ROBO1: variants seen among roughly 807,000 people sequenced by gnomAD.
The protein encoded by ROBO1 is roundabout homolog 1.
ROBO1 carries 149 observed loss-of-function variants against 195.9 expected under a neutral mutation model. The observed-to-expected ratio is 0.76, with a 90% CI of 0.67 to 0.87. The LOEUF (loss-of-function observed/expected upper bound fraction) is 0.87, where lower values mean the gene tolerates loss of function less well. Ranked by LOEUF, ROBO1 falls within the 40% of genes least tolerant of loss-of-function variation. The pLI, the probability that ROBO1 is intolerant of heterozygous loss-of-function variation, is 0.00. For missense variants in ROBO1, 1,933 were observed against 2,068.3 expected, an observed-to-expected ratio of 0.93 and a Z score of 1.27; for synonymous variants, 816 against 733.2, an observed-to-expected ratio of 1.11 and a Z score of -1.82.
chr3:79,154,882 GCAAT>G (rs2108647392), intron 2 of ROBO1, among the ~76,000 whole-genome samples: 1 of 151,886 alleles, frequency 6.6e-6, no homozygotes, highest in Admixed American at 6.6e-5. Context: ...ATTGATATTT[GCAAT>G]CAGTTTATTT....
intron 4 of ROBO1, among the ~76,000 whole-genome samples, chr3:78,873,538 C>T (rs1220621104): frequency 6.6e-6 from 1 of 151,952 alleles, no homozygotes; most frequent in East Asian, 1.9e-4. Context: ...CCTCTTCTTA[C>T]CTATGAGTAA....
In ROBO1 at chr3:79,636,935, T is replaced by C. The variant is rs544416655; in HGVS notation, c.-50-46974A>G. On this transcript the variant is annotated intron_variant, in intron 1 of 30. Coordinates refer to ENST00000464233, the MANE Select transcript of ROBO1 (RefSeq NM_002941.4). Reference sequence around the variant, plus strand: ...ACTGCTTCTTTGAAGTTACCAAACATTATCTTCTTATGAAAAATTTTGAAA... The same window carrying C: ...ACTGCTTCTTTGAAGTTACCAAACACTATCTTCTTATGAAAAATTTTGAAA... Among the ~76,000 whole-genome samples the C allele has an allele frequency of 1.7e-4, 26 of 152,322 alleles. 1 individual carries two copies. The South Asian group carries it at 5.4e-3, about 32-fold the overall frequency.
intron 2 of ROBO1, among the ~76,000 whole-genome samples, chr3:79,377,104 T>C (rs945862328): frequency 2.6e-5 from 4 of 152,096 alleles, no homozygotes; most frequent in African/African-American, 9.7e-5. Context: ...CTGAGAAACA[T>C]AACACCTACT....
chr3:79,323,998 T>C (rs1282895371), intron 2 of ROBO1, among the ~76,000 whole-genome samples: 2 of 152,180 alleles, frequency 1.3e-5, no homozygotes, highest in Non-Finnish European at 2.9e-5. Context: ...CCAACTGCAG[T>C]GGTCAAAAAT....
chr3:79,670,878 A>G (rs754189055), intron 1 of ROBO1, among the ~76,000 whole-genome samples: 42 of 151,992 alleles, frequency 2.8e-4, no homozygotes, highest in Non-Finnish European at 5.2e-4. Flanking sequence ...TATTTTCACT[A>G]TGTTGATTCT....
intron 2 of ROBO1, among the ~76,000 whole-genome samples, chr3:79,158,348 A>G (rs1420826074): frequency 1.4e-5 from 2 of 146,230 alleles, no homozygotes; most frequent in South Asian, 2.1e-4. Flanking sequence ...ATACAATAGT[A>G]TGTAACACAT....
At chr3:78,810,371 C>T (rs1050920281) in intron 4 of ROBO1, among the ~76,000 whole-genome samples, 9 of 151,946 alleles carry the variant, frequency 5.9e-5, no homozygotes, top group African/African-American at 2.2e-4. Flanking sequence ...ATAGATACTG[C>T]ACCAATTTGC....
intron 8 of ROBO1, among the ~76,000 whole-genome samples, chr3:78,709,017 G>A (rs971971678): frequency 4.6e-5 from 7 of 152,142 alleles, no homozygotes; most frequent in Non-Finnish European, 1.0e-4. Flanking sequence ...AAGATTTCTT[G>A]AAAGAAAGGT....
chr3:79,550,851 G>A (rs1420491382), intron 2 of ROBO1, among the ~76,000 whole-genome samples: 1 of 152,154 alleles, frequency 6.6e-6, no homozygotes, highest in Non-Finnish European at 1.5e-5. Context: ...GTTTGAATGT[G>A]TCCTCCAAAG....
intron 2 of ROBO1, among the ~76,000 whole-genome samples, chr3:79,234,575 T>C (rs2082375653): frequency 2.0e-5 from 3 of 152,038 alleles, no homozygotes. Context: ...TCAACCTAGG[T>C]GCCCATTAAT....
rs192861800 is a variant in ROBO1, at chr3:79,142,742, C to T, written c.89-17203G>A. ...TGGCCTTTGGTTACCACTTTTTAAG[C>T]GAGGTCAGAAGTTTTAAAGCATTCC... is the stretch of plus-strand genomic sequence containing the variant. On this transcript the variant is annotated intron_variant, in intron 2 of 30. Transcript: ENST00000464233. Among the ~76,000 whole-genome samples, 1,221 of 151,982 alleles carry T rather than the reference C, an allele frequency of 8.0e-3. 23 individuals are homozygous for T. The highest frequency in any genetic ancestry group is 0.028 in the African/African-American group (1,156 of 41,468).
rs781234119 is a variant in ROBO1 at position 78,938,607 on chromosome 3, C to T, written c.493G>A (p.Val165Ile). The change falls in exon 4 of 31, where the codon GTA (valine) becomes ATA (isoleucine). Residue 165 changes from valine to isoleucine, a missense_variant. This residue lies in a region of ROBO1 where 1,737 missense variants were observed against 1,882.5 expected (regional missense o/e 0.92). Coordinates refer to ENST00000464233, the MANE Select transcript of ROBO1 (RefSeq NM_002941.4). ...GAGCGCCCAGTTTACTTACTGGCTA[C>T]TTCCAGCGATGCATTGTGGCTCACA... Reference protein sequence around the residue: ...EAVSHNASLEVAILRDDFRQN... With the variant: ...EAVSHNASLEIAILRDDFRQN... 6.2e-7 allele frequency: 1 copy of T among 1,605,834 alleles called. No homozygotes were observed. Among genetic ancestry groups the T allele is most frequent in the African/African-American group, 1.3e-5 (1 of 74,760 alleles).
chr3:78,667,980 T>C lies in ROBO1; in HGVS notation c.1869A>G (p.Gly623=). ...NVKTETSAIK[G]LKPNAIYLFL... ...AAAGGTAAATTGCATTAGGTTTGAGTCCTTTAATGGCAGATGTTTCTGTTT... is the reference window on the plus strand; with the variant it reads ...AAAGGTAAATTGCATTAGGTTTGAGCCCTTTAATGGCAGATGTTTCTGTTT... The change falls in exon 14 of 31, where the codon GGA becomes GGG. Residue 623 remains glycine, a synonymous_variant. Transcript: ENST00000464233. The C allele has an allele frequency of 6.2e-7, 1 of 1,613,764 alleles. No individual in the cohort carries two copies. The highest frequency in any genetic ancestry group is 8.5e-7 in the Non-Finnish European group (1 of 1,179,782).
At chr3:79,617,927 A>T (rs1441988323) in intron 1 of ROBO1, among the ~76,000 whole-genome samples, 2 of 151,412 alleles carry the variant, frequency 1.3e-5, no homozygotes, top group Non-Finnish European at 2.9e-5. Context: ...ATATTAAAAA[A>T]AAAAAAAAGA....
chr3:78,642,958 A>T (rs555785930), intron 21 of ROBO1, among the ~76,000 whole-genome samples: 1 of 151,990 alleles, frequency 6.6e-6, no homozygotes, highest in Non-Finnish European at 1.5e-5. Flanking sequence ...TCAATGGCTC[A>T]TTCATTTTTT....
intron 4 of ROBO1, among the ~76,000 whole-genome samples, chr3:78,896,988 A>G (rs746205603): frequency 4.6e-5 from 7 of 152,236 alleles, no homozygotes; most frequent in Non-Finnish European, 8.8e-5. Context: ...AGAAAATGCA[A>G]CAAAACTGTA....
chr3:79,342,502 A>G (rs2034947315), intron 2 of ROBO1, among the ~76,000 whole-genome samples: 1 of 152,314 alleles, frequency 6.6e-6, no homozygotes, highest in Middle Eastern at 3.4e-3. Context: ...ACATTTCTGT[A>G]CTACATATCA....
At chr3:78,674,652 G>C (rs538696642) in intron 10 of ROBO1, among the ~76,000 whole-genome samples, 1 of 152,154 alleles carries the variant, frequency 6.6e-6, no homozygotes, top group Non-Finnish European at 1.5e-5. Context: ...GATATTTAGA[G>C]ATTTTGTTTT....
chr3:78,821,615 T>C (rs1246256411), intron 4 of ROBO1, among the ~76,000 whole-genome samples: 2 of 152,188 alleles, frequency 1.3e-5, no homozygotes, highest in African/African-American at 4.8e-5. Flanking sequence ...CTAGTTAAGA[T>C]TGTTTATAAA....
Sources: allele counts gnomAD v4.1 joint callset (sites outside exome capture counted in the v4.1 genomes callset), GRCh38; gene constraint gnomAD v4.1.1; regional missense constraint gnomAD v4.1.1; transcripts MANE v1.5; gene names NCBI Gene and HGNC (gene_info 2026-07-23, HGNC 2026-07-21).